Variants in CNTN5 observed in about 807,000 individuals in gnomAD.
CNTN5 encodes the protein contactin 5, also known as contactin-5.
A neutral mutation model predicts 129.1 loss-of-function variants in CNTN5; 77 were observed. The ratio of observed to expected loss-of-function variants is 0.60; its 90% CI spans 0.50 to 0.72. The LOEUF is 0.72. CNTN5 is among the 30% of genes least tolerant of loss of function. CNTN5 has a pLI of 0.00. For synonymous variants in CNTN5, 509 were observed against 465.6 expected, an observed-to-expected ratio of 1.09 and a Z score of -1.20; for missense variants, 1,478 against 1,328.8, an observed-to-expected ratio of 1.11 and a Z score of -1.75.
At chr11:99,496,975 C>T (rs1489982994) in intron 2 of CNTN5, among the ~76,000 whole-genome samples, 1 of 152,146 alleles carries the variant, frequency 6.6e-6, no homozygotes, top group Non-Finnish European at 1.5e-5. Flanking sequence ...TATACACTTC[C>T]AGTGCTTCCT....
chr11:99,445,631 A>C (rs748124793), intron 2 of CNTN5, among the ~76,000 whole-genome samples: 2 of 152,142 alleles, frequency 1.3e-5, no homozygotes, highest in African/African-American at 4.8e-5. Context: ...TCTATCCTCA[A>C]AGAGTCAGGA....
intron 3 of CNTN5, among the ~76,000 whole-genome samples, chr11:99,723,712 A>T (rs1427207086): frequency 6.6e-6 from 1 of 152,124 alleles, no homozygotes. Flanking sequence ...TCTTTGCAGT[A>T]CCTGCAGCAA....
At chr11:99,855,112 C>G (rs1483551039) in intron 6 of CNTN5, among the ~76,000 whole-genome samples, 2 of 152,038 alleles carry the variant, frequency 1.3e-5, no homozygotes, top group Non-Finnish European at 2.9e-5. Flanking sequence ...AGTTCAAGAC[C>G]AGCCTGGGCA....
At chr11:99,987,944 G>C (rs181245833) in intron 8 of CNTN5, among the ~76,000 whole-genome samples, 2 of 152,270 alleles carry the variant, frequency 1.3e-5, no homozygotes, top group Admixed American at 1.3e-4. Context: ...ATTTCACAAA[G>C]CACCAGGCTT....
intron 2 of CNTN5, among the ~76,000 whole-genome samples, chr11:99,465,242 C>T (rs1178170672): frequency 6.6e-6 from 1 of 152,122 alleles, no homozygotes; most frequent in African/African-American, 2.4e-5. Flanking sequence ...CTGTGTTCTT[C>T]AGTTGATTTA....
chr11:99,836,849 A>G (rs1947323778), intron 4 of CNTN5, among the ~76,000 whole-genome samples: 1 of 152,140 alleles, frequency 6.6e-6, no homozygotes, highest in Admixed American at 6.5e-5. Context: ...CTGGTGTGAG[A>G]TGGTATCACA....
chr11:99,983,101 T>A lies in CNTN5; in HGVS notation c.878-18933T>A, dbSNP rs182125183. Among the ~76,000 whole-genome samples, 167 of 149,734 alleles carry A rather than the reference T, an allele frequency of 1.1e-3. 1 individual carries two copies. The highest frequency in any genetic ancestry group is 2.0e-3 in the Non-Finnish European group (133 of 67,558). On this transcript the variant is annotated intron_variant, in intron 8 of 24. Coordinates refer to ENST00000524871, the MANE Select transcript of CNTN5 (RefSeq NM_014361.4). ...GGAAACTACAGTGCAGTGAAAGAGA[T>A]AGACAAGTAAACAACATTAAAATGC... is the stretch of plus-strand genomic sequence containing the variant.
At chr11:99,611,987 C>T (rs1241296429) in intron 3 of CNTN5, among the ~76,000 whole-genome samples, 1 of 152,080 alleles carries the variant, frequency 6.6e-6, no homozygotes, top group Non-Finnish European at 1.5e-5. Context: ...GGTTGTCATC[C>T]ATACTCATGA....
At chr11:99,818,198 T>A (rs531668424) in intron 3 of CNTN5, among the ~76,000 whole-genome samples, 4 of 152,318 alleles carry the variant, frequency 2.6e-5, no homozygotes, top group South Asian at 2.1e-4. Context: ...ATACTTTTTT[T>A]AATCAAAAAT....
chr11:99,896,090 A>G (rs1949198600), intron 6 of CNTN5, among the ~76,000 whole-genome samples: 1 of 151,728 alleles, frequency 6.6e-6, no homozygotes, highest in South Asian at 2.1e-4. Context: ...CTTCACTATC[A>G]CTGCTGCCTT....
chr11:100,035,011 T>G (rs1941906895), intron 9 of CNTN5, among the ~76,000 whole-genome samples: 1 of 152,138 alleles, frequency 6.6e-6, no homozygotes, highest in Non-Finnish European at 1.5e-5. Context: ...AGGGTACATG[T>G]GCGCAACGTG....
chr11:99,467,289 G>T (rs1282352185), intron 2 of CNTN5, among the ~76,000 whole-genome samples: 1 of 151,914 alleles, frequency 6.6e-6, no homozygotes, highest in African/African-American at 2.4e-5. Context: ...TGATGAAAAT[G>T]CTATCCTGCA....
intron 8 of CNTN5, among the ~76,000 whole-genome samples, chr11:99,985,829 G>A (rs994200310): frequency 4.6e-5 from 7 of 151,988 alleles, no homozygotes; most frequent in Admixed American, 2.6e-4. Context: ...TCAATGTCTT[G>A]GTGATAACCA....
chr11:99,988,851 T>TTG (rs59171240), intron 8 of CNTN5, among the ~76,000 whole-genome samples: 13,164 of 150,088 alleles, frequency 0.088, 872 homozygotes, highest in African/African-American at 0.19. Flanking sequence ...GTGTGTGTGT[T>TTG]TGTGTGTGTG....
intron 15 of CNTN5, among the ~76,000 whole-genome samples, chr11:100,213,248 A>C (rs1949069938): frequency 6.6e-6 from 1 of 152,194 alleles, no homozygotes; most frequent in African/African-American, 2.4e-5. Context: ...CATATATGAT[A>C]ATTGGTGTTG....
intron 13 of CNTN5, among the ~76,000 whole-genome samples, chr11:100,131,046 C>A (rs968710353): frequency 6.6e-6 from 1 of 152,030 alleles, no homozygotes; most frequent in African/African-American, 2.4e-5. Flanking sequence ...CCCTGAAATT[C>A]AGAGTTAAAA....
At chr11:99,398,479 T>C (rs1371914752) in intron 2 of CNTN5, among the ~76,000 whole-genome samples, 1 of 151,920 alleles carries the variant, frequency 6.6e-6, no homozygotes, top group African/African-American at 2.4e-5. Context: ...TACAGGACAG[T>C]TTCACCAACC....
At chr11:100,334,487 A>G (rs1214258022) in intron 21 of CNTN5, among the ~76,000 whole-genome samples, 2 of 152,192 alleles carry the variant, frequency 1.3e-5, no homozygotes, top group East Asian at 3.8e-4. Flanking sequence ...ACACACGTTT[A>G]TAGCAGCACA....
At chr11:99,021,766 C>A (rs773122608) in intron 1 of CNTN5, among the ~76,000 whole-genome samples, 2 of 152,150 alleles carry the variant, frequency 1.3e-5, no homozygotes, top group Non-Finnish European at 2.9e-5. Context: ...TGGAGTTCTA[C>A]AAAGTTCGTG....
Sources: gnomAD v4.1 joint callset for allele counts (sites outside exome capture counted in the v4.1 genomes callset) on GRCh38, gnomAD v4.1.1 for gene constraint, MANE v1.5 for transcripts, NCBI Gene and HGNC (gene_info 2026-07-23, HGNC 2026-07-21) for gene names.